TLE1: variants seen among roughly 807,000 people sequenced by gnomAD.
The protein encoded by TLE1 is transducin-like enhancer protein 1.
Under a neutral mutation model 89.8 loss-of-function variants are expected in TLE1, and 21 were observed. The ratio of observed to expected loss-of-function variants is 0.23; its 90% CI spans 0.17 to 0.34. The LOEUF is 0.34. Ranked by LOEUF, TLE1 falls within the 10% of genes least tolerant of loss-of-function variation. The probability of loss-of-function intolerance (pLI) is 1.00; values close to 1 mark genes in which losing one functional copy is unlikely to be tolerated. For synonymous variants in TLE1, 447 were observed against 407.6 expected (o/e 1.10, Z -1.16); for missense variants, 795 against 1,031.2 (o/e 0.77, Z 3.14).
chr9:81,628,768 T>C lies in TLE1; in HGVS notation c.594+4580A>G, dbSNP rs141570146. On this transcript the variant is annotated intron_variant, in intron 8 of 19. Transcript: ENST00000376499. ...ACTAACTCTCAATCTGTTAACTAAG[T>C]ATGTGACCGGATGCACCCAGCCTCC... Among the ~76,000 whole-genome samples, 240 of 152,240 alleles carry C rather than the reference T, an allele frequency of 1.6e-3. No individual in the cohort carries two copies. The Middle Eastern group carries it at 0.02, about 13-fold the overall frequency.
At chr9:81,643,581 G>A (rs1337246585) in intron 6 of TLE1, among the ~76,000 whole-genome samples, 1 of 151,698 alleles carries the variant, frequency 6.6e-6, no homozygotes, top group Non-Finnish European at 1.5e-5. Flanking sequence ...GGTCACCCAG[G>A]TGGGATACAG....
chr9:81,621,566 C>A lies in TLE1; in HGVS notation c.595-1009G>T, dbSNP rs534064896. On this transcript the variant is annotated intron_variant, in intron 8 of 19. Coordinates refer to ENST00000376499, the MANE Select transcript of TLE1 (RefSeq NM_005077.5). ...CCAGGGCCAACAGACAATTATGTTA[C>A]CTTTCTCTGCCACAATTTAAAATAG... 2.0e-5 allele frequency among the ~76,000 whole-genome samples: 3 copies of A among 152,346 alleles called. No homozygotes were observed. In the South Asian group the frequency reaches 6.2e-4, roughly 32 times the overall value.
chr9:81,645,611 A>C (rs1259997474), intron 6 of TLE1, among the ~76,000 whole-genome samples: 1 of 151,180 alleles, frequency 6.6e-6, no homozygotes, highest in Non-Finnish European at 1.5e-5. Context: ...GTGGTGGCAC[A>C]TGCCTATAAT....
chr9:81,586,297 G>A (rs1323409838), intron 17 of TLE1, among the ~76,000 whole-genome samples: 1 of 152,170 alleles, frequency 6.6e-6, no homozygotes, highest in African/African-American at 2.4e-5. Context: ...GATTACAGGC[G>A]TGAGCCTCCG....
Position 81,680,583 on chromosome 9 carries a change from A to T in TLE1, c.234+5093T>A, listed in dbSNP as rs116059891. On this transcript the variant is annotated intron_variant, in intron 4 of 19. Transcript: ENST00000376499. ...TGCAAGTCCAGGACAAAAACCAGCC[A>T]CTGGCCCACTGCTGAAGGGTGGGGA... 2.2e-3 allele frequency among the ~76,000 whole-genome samples: 336 copies of T among 152,286 alleles called. 4 individuals are homozygous for T. Among genetic ancestry groups the T allele is most frequent in the African/African-American group, 7.5e-3 (312 of 41,560 alleles).
intron 6 of TLE1, among the ~76,000 whole-genome samples, chr9:81,636,422 G>T (rs1211098824): frequency 7.9e-6 from 1 of 126,744 alleles, no homozygotes. Flanking sequence ...ATTACTTGGA[G>T]AGTAAGAGCT....
intron 8 of TLE1, among the ~76,000 whole-genome samples, chr9:81,626,299 C>T (rs1352463519): frequency 6.6e-6 from 1 of 152,024 alleles, no homozygotes; most frequent in Non-Finnish European, 1.5e-5. Flanking sequence ...ACACTCCACA[C>T]TGACAATTAA....
At chr9:81,682,334 C>A (rs916057287) in intron 4 of TLE1, among the ~76,000 whole-genome samples, 1 of 151,894 alleles carries the variant, frequency 6.6e-6, no homozygotes, top group Non-Finnish European at 1.5e-5. Context: ...GATGCGTGGC[C>A]TTGAGCAAGT....
intron 1 of TLE1, among the ~76,000 whole-genome samples, chr9:81,687,710 C>G (rs1390206376): frequency 2.0e-5 from 3 of 151,834 alleles, no homozygotes; most frequent in Non-Finnish European, 2.9e-5. Flanking sequence ...AAGGGGGCTC[C>G]CCGGCGGCCA....
At chr9:81,673,323 T>C (rs1350358323) in intron 4 of TLE1, among the ~76,000 whole-genome samples, 2 of 151,630 alleles carry the variant, frequency 1.3e-5, no homozygotes, top group Non-Finnish European at 2.9e-5. Context: ...TTTTTTTTTT[T>C]TCTCCTTTTA....
chr9:81,596,924 A>T (rs557583149), intron 14 of TLE1, among the ~76,000 whole-genome samples: 74 of 152,292 alleles, frequency 4.9e-4, no homozygotes, highest in South Asian at 2.5e-3. Context: ...ATGGTATTCC[A>T]ATATTTAAAG....
At chr9:81,612,865 CT>C (rs1823893091) in intron 12 of TLE1, among the ~76,000 whole-genome samples, 1 of 152,178 alleles carries the variant, frequency 6.6e-6, no homozygotes, top group South Asian at 2.1e-4. Flanking sequence ...TGAGACCAGC[CT>C]GGCCAACATG....
At chr9:81,596,644 C>G (rs1830255447) in intron 14 of TLE1, among the ~76,000 whole-genome samples, 1 of 152,168 alleles carries the variant, frequency 6.6e-6, no homozygotes, top group Non-Finnish European at 1.5e-5. Context: ...ATGAATATCG[C>G]TCACACCTGA....
intron 9 of TLE1, among the ~76,000 whole-genome samples, chr9:81,618,128 C>T (rs916966847): frequency 3.3e-5 from 5 of 152,158 alleles, no homozygotes; most frequent in Admixed American, 2.0e-4. Flanking sequence ...GTCTCATGTC[C>T]TTTAGGGCAG....
At chr9:81,673,842 A>G (rs1832560251) in intron 4 of TLE1, among the ~76,000 whole-genome samples, 2 of 152,258 alleles carry the variant, frequency 1.3e-5, no homozygotes, top group African/African-American at 2.4e-5. Flanking sequence ...TGAAAGCCAA[A>G]GAGCTGAGAA....
intron 4 of TLE1, among the ~76,000 whole-genome samples, chr9:81,683,962 A>T (rs1833939383): frequency 6.6e-6 from 1 of 151,854 alleles, no homozygotes; most frequent in Non-Finnish European, 1.5e-5. Context: ...AGAATTACAC[A>T]CCTCTTTTAG....
chr9:81,648,535 A>C (rs1055675562), intron 6 of TLE1, among the ~76,000 whole-genome samples: 2 of 152,180 alleles, frequency 1.3e-5, no homozygotes, highest in African/African-American at 4.8e-5. Flanking sequence ...ACAGATATGT[A>C]TCTCTCTATA....
At chr9:81,687,548 G>A (rs1834465395) in intron 1 of TLE1, 114 bp from the exon 2 acceptor site, 4 of 748,914 alleles carry the variant, frequency 5.3e-6, no homozygotes, top group Non-Finnish European at 8.8e-6. Context: ...AGAAGTGGCT[G>A]AAAACGAGGC....
chr9:81,657,776 C>T (rs1830313655), intron 4 of TLE1, among the ~76,000 whole-genome samples: 1 of 151,864 alleles, frequency 6.6e-6, no homozygotes, highest in African/African-American at 2.4e-5. Flanking sequence ...CACATCTACC[C>T]ATACACTTTA....
Sources: gnomAD v4.1 joint callset for allele counts (sites outside exome capture counted in the v4.1 genomes callset) on GRCh38, gnomAD v4.1.1 for gene constraint, MANE v1.5 for transcripts, NCBI Gene and HGNC (gene_info 2026-07-23, HGNC 2026-07-21) for gene names.